The following SGCZ variants were observed in gnomAD, a reference collection of about 807,000 sequenced individuals.
SGCZ encodes sarcoglycan zeta, also known as zeta-sarcoglycan.
Under a neutral mutation model 41.3 loss-of-function variants are expected in SGCZ, and 40 were observed. The ratio of observed to expected loss-of-function variants is 0.97; its 90% CI spans 0.75 to 1.26. SGCZ has a LOEUF of 1.26. Among genes scored for constraint, SGCZ ranks in the 50% most tolerant of loss-of-function variants. The pLI, the probability that SGCZ is intolerant of heterozygous loss-of-function variation, is 0.00. For synonymous variants in SGCZ, 206 were observed against 137.5 expected (o/e 1.50, Z -3.49); for missense variants, 552 against 369.8 (o/e 1.49, Z -4.04).
intron 1 of SGCZ, among the ~76,000 whole-genome samples, chr8:14,902,945 CA>C (rs1799014384): frequency 6.6e-6 from 1 of 152,056 alleles, no homozygotes; most frequent in Non-Finnish European, 1.5e-5. Context: ...TTTGTATTGG[CA>C]AAACTGTGAT....
chr8:14,924,401 C>G (rs1799682621), intron 1 of SGCZ, among the ~76,000 whole-genome samples: 2 of 152,136 alleles, frequency 1.3e-5, no homozygotes, highest in South Asian at 2.1e-4. Context: ...ATGAAAGCAC[C>G]TAATAAGATT....
chr8:14,810,281 A>G (rs1376763150), intron 1 of SGCZ, among the ~76,000 whole-genome samples: 1 of 152,068 alleles, frequency 6.6e-6, no homozygotes, highest in East Asian at 1.9e-4. Flanking sequence ...AGAACTTTAA[A>G]TCAAATTGTG....
At chr8:14,346,359 T>C (rs1192462691) in intron 2 of SGCZ, among the ~76,000 whole-genome samples, 4 of 152,058 alleles carry the variant, frequency 2.6e-5, no homozygotes, top group African/African-American at 9.7e-5. Context: ...ATGCATTATA[T>C]AGGAACAAAA....
chr8:14,756,185 A>ATTT (rs34700961), intron 1 of SGCZ, among the ~76,000 whole-genome samples: 17 of 136,154 alleles, frequency 1.2e-4, no homozygotes, highest in East Asian at 2.2e-4. Context: ...GTAGAAGTAA[A>ATTT]TTTTTTTTTT....
intron 2 of SGCZ, among the ~76,000 whole-genome samples, chr8:14,386,839 T>G (rs1331253244): frequency 1.3e-5 from 2 of 152,216 alleles, no homozygotes; most frequent in Non-Finnish European, 2.9e-5. Context: ...ATTTTAATAT[T>G]AAAATTCTAT....
At chr8:15,180,609 G>C (rs371545880) in intron 1 of SGCZ, among the ~76,000 whole-genome samples, 2 of 152,004 alleles carry the variant, frequency 1.3e-5, no homozygotes, top group African/African-American at 4.8e-5. Flanking sequence ...GGAAAGGCTG[G>C]GCATGGTGAC....
chr8:14,536,215 G>A (rs1387951147), intron 2 of SGCZ, among the ~76,000 whole-genome samples: 1 of 151,808 alleles, frequency 6.6e-6, no homozygotes, highest in African/African-American at 2.4e-5. Flanking sequence ...TTCCAGACAA[G>A]GATGCTGTGT....
intron 1 of SGCZ, among the ~76,000 whole-genome samples, chr8:14,590,397 T>A (rs546999491): frequency 6.6e-6 from 1 of 151,970 alleles, no homozygotes; most frequent in Non-Finnish European, 1.5e-5. Context: ...ACATTTTAAT[T>A]GGTCAAGAAA....
intron 1 of SGCZ, among the ~76,000 whole-genome samples, chr8:14,663,512 C>T (rs1219138400): frequency 6.6e-6 from 1 of 152,000 alleles, no homozygotes; most frequent in Non-Finnish European, 1.5e-5. Context: ...GTTGTCTAAC[C>T]TCTCTGTGCA....
At chr8:15,204,610 A>G (rs1801002459) in intron 1 of SGCZ, among the ~76,000 whole-genome samples, 1 of 151,928 alleles carries the variant, frequency 6.6e-6, no homozygotes. Context: ...TTCCTTTGCG[A>G]CTCTCATAGC....
rs1800478051 is a variant in SGCZ at position 14,778,362 on chromosome 8, ATTTC to A, written c.40-223440_40-223437del. 3.9e-5 allele frequency among the ~76,000 whole-genome samples: 6 copies of A among 152,266 alleles called. No individual in the cohort carries two copies. The South Asian group carries it at 1.2e-3, about 32-fold the overall frequency. On this transcript the variant is annotated intron_variant, in intron 1 of 7. Transcript: ENST00000382080. ...ACTGGTCACTTGAGGACCTAAATGA[ATTTC>A]AGTGAGTCCATTGTATTCTTAAAAT... is the stretch of plus-strand genomic sequence containing the variant.
intron 1 of SGCZ, among the ~76,000 whole-genome samples, chr8:15,029,309 A>G (rs1330875404): frequency 1.3e-5 from 2 of 152,064 alleles, no homozygotes; most frequent in Non-Finnish European, 2.9e-5. Context: ...ATAGAAAAAA[A>G]CCATATGCCT....
At chr8:15,060,998 C>A (rs1804903422) in intron 1 of SGCZ, among the ~76,000 whole-genome samples, 1 of 152,126 alleles carries the variant, frequency 6.6e-6, no homozygotes, top group Admixed American at 6.6e-5. Context: ...TCCCTGCCTT[C>A]TGGATCTTTC....
At chr8:14,178,941 T>C (rs1804635768) in intron 4 of SGCZ, among the ~76,000 whole-genome samples, 1 of 152,166 alleles carries the variant, frequency 6.6e-6, no homozygotes, top group African/African-American at 2.4e-5. Flanking sequence ...TCTGAGCCCA[T>C]TAATGGGAAA....
intron 5 of SGCZ, 78 bp from the exon 6 acceptor site, chr8:14,108,313 T>G (rs1802271066): frequency 7.6e-7 from 1 of 1,308,072 alleles, no homozygotes; most frequent in Non-Finnish European, 1.1e-6. Context: ...ATGCATCAAA[T>G]ATTCTTCCAA....
At chr8:14,405,516 A>T (rs2117259399) in intron 2 of SGCZ, among the ~76,000 whole-genome samples, 1 of 152,306 alleles carries the variant, frequency 6.6e-6, no homozygotes, top group Admixed American at 6.5e-5. Flanking sequence ...GATATCAAAT[A>T]TGGTAGGCAG....
At chr8:14,920,008 C>T (rs188651815) in intron 1 of SGCZ, among the ~76,000 whole-genome samples, 1 of 152,144 alleles carries the variant, frequency 6.6e-6, no homozygotes, top group South Asian at 2.1e-4. Context: ...GCTCACCATA[C>T]TCCTTTTAGT....
At chr8:14,586,554 TA>T (rs1468468649) in intron 1 of SGCZ, among the ~76,000 whole-genome samples, 1 of 152,200 alleles carries the variant, frequency 6.6e-6, no homozygotes, top group African/African-American at 2.4e-5. Flanking sequence ...ATTATCATTT[TA>T]AGCATTTTTA....
chr8:14,223,249 C>A (rs1223247111), intron 4 of SGCZ, among the ~76,000 whole-genome samples: 2 of 152,058 alleles, frequency 1.3e-5, no homozygotes. Context: ...AATGATTGTG[C>A]TTGTGATATT....
Sources: allele counts gnomAD v4.1 joint callset (sites outside exome capture counted in the v4.1 genomes callset), GRCh38; gene constraint gnomAD v4.1.1; transcripts MANE v1.5; gene names NCBI Gene and HGNC (gene_info 2026-07-23, HGNC 2026-07-21).